Variants in LRRTM4 observed in about 807,000 individuals in gnomAD.
The protein encoded by LRRTM4 is leucine rich repeat transmembrane neuronal 4.
LRRTM4 carries 25 observed loss-of-function variants against 47.6 expected under a neutral mutation model. The ratio of observed to expected loss-of-function variants is 0.53; its 90% CI spans 0.38 to 0.73. LRRTM4 has a LOEUF of 0.73. LRRTM4 is among the 30% of genes least tolerant of loss of function. LRRTM4 has a pLI of 0.00. For synonymous variants in LRRTM4, 311 were observed against 269.5 expected (o/e 1.15, Z -1.51); for missense variants, 638 against 713.4 (o/e 0.89, Z 1.20).
intron 3 of LRRTM4, among the ~76,000 whole-genome samples, chr2:76,879,687 A>G (rs562892427): frequency 6.6e-6 from 1 of 152,338 alleles, no homozygotes; most frequent in East Asian, 1.9e-4. Flanking sequence ...TAAGAAATAT[A>G]TTTTGTAAGC....
chr2:77,220,750 G>A (rs1464099843), intron 3 of LRRTM4, among the ~76,000 whole-genome samples: 3 of 152,180 alleles, frequency 2.0e-5, no homozygotes, highest in African/African-American at 7.2e-5. Flanking sequence ...GAAAGTGATG[G>A]GGAGAATGGA....
At chr2:77,335,046 AT>A (rs1320179662) in intron 3 of LRRTM4, among the ~76,000 whole-genome samples, 1 of 151,982 alleles carries the variant, frequency 6.6e-6, no homozygotes, top group Non-Finnish European at 1.5e-5. Context: ...TTCCTTTCTC[AT>A]TTTAATGCCT....
intron 3 of LRRTM4, among the ~76,000 whole-genome samples, chr2:77,223,566 C>G (rs1674710010): frequency 6.6e-6 from 1 of 152,210 alleles, no homozygotes; most frequent in African/African-American, 2.4e-5. Context: ...ACAACAATAA[C>G]AGACAAACAG....
intron 3 of LRRTM4, among the ~76,000 whole-genome samples, chr2:77,041,683 G>T (rs62170902): frequency 0.12 from 18,225 of 150,714 alleles, 1,382 homozygotes; most frequent in Admixed American, 0.19. Context: ...ACATCTGTTG[G>T]CCCTTTCTAT....
At chr2:77,029,056 TATATATATATATATA>T (rs1678555764) in intron 3 of LRRTM4, among the ~76,000 whole-genome samples, 1 of 126,256 alleles carries the variant, frequency 7.9e-6, no homozygotes, top group African/African-American at 2.7e-5. Flanking sequence ...CACACAAATA[TATATATATATATATA>T]ATATATATAT....
At chr2:77,010,337 A>T (rs1054541293) in intron 3 of LRRTM4, among the ~76,000 whole-genome samples, 23 of 130,552 alleles carry the variant, frequency 1.8e-4, no homozygotes, top group Non-Finnish European at 3.6e-4. Flanking sequence ...TTCTGTTTCT[A>T]TGAGTTTGAT....
At chr2:76,926,584 G>A (rs990079048) in intron 3 of LRRTM4, among the ~76,000 whole-genome samples, 4 of 152,120 alleles carry the variant, frequency 2.6e-5, no homozygotes, top group African/African-American at 9.7e-5. Context: ...ATTAGGCCAG[G>A]AGGGCTCTGT....
intron 3 of LRRTM4, among the ~76,000 whole-genome samples, chr2:77,335,020 CT>C (rs1380797515): frequency 7.2e-5 from 11 of 152,138 alleles, no homozygotes; most frequent in African/African-American, 2.7e-4. Flanking sequence ...ATAGTTCCTT[CT>C]TTAGCTTTTT....
At chr2:77,411,403 TTATTTCTC>T (rs1379021722) in intron 3 of LRRTM4, among the ~76,000 whole-genome samples, 2 of 150,898 alleles carry the variant, frequency 1.3e-5, no homozygotes, top group East Asian at 3.9e-4. Context: ...TCTTTCTTCT[TTATTTCTC>T]TCTTTCTTGT....
rs147209998 is a variant in LRRTM4 at position 77,204,321 on chromosome 2, G to A, written c.1551+313997C>T. 2.6e-4 allele frequency among the ~76,000 whole-genome samples: 39 copies of A among 152,034 alleles called. No individual in the cohort carries two copies. In the East Asian group the frequency reaches 6.6e-3, roughly 26 times the overall value. ...AAATTTCTTGACTAAATCATGTAAC[G>A]TTTTTAAAGGTAACTCTTCACTGAA... On this transcript the variant is annotated intron_variant, in intron 3 of 3. Coordinates refer to ENST00000409884, the MANE Select transcript of LRRTM4 (RefSeq NM_001134745.3).
At chr2:77,509,819 T>C (rs958442984) in intron 3 of LRRTM4, among the ~76,000 whole-genome samples, 1 of 152,142 alleles carries the variant, frequency 6.6e-6, no homozygotes, top group African/African-American at 2.4e-5. Flanking sequence ...CAGATATATA[T>C]TTACTTGTCC....
chr2:77,038,472 C>T (rs976044001), intron 3 of LRRTM4, among the ~76,000 whole-genome samples: 1 of 151,458 alleles, frequency 6.6e-6, no homozygotes, highest in African/African-American at 2.4e-5. Context: ...TTATAAAGTA[C>T]TGTTCAGAGT....
intron 3 of LRRTM4, among the ~76,000 whole-genome samples, chr2:77,026,969 C>G (rs1250869821): frequency 1.3e-5 from 2 of 152,082 alleles, no homozygotes; most frequent in Non-Finnish European, 2.9e-5. Flanking sequence ...GAAAATCACC[C>G]TTTCCCATTA....
chr2:77,260,494 A>C (rs950631672), intron 3 of LRRTM4, among the ~76,000 whole-genome samples: 5 of 151,876 alleles, frequency 3.3e-5, no homozygotes, highest in African/African-American at 1.2e-4. Flanking sequence ...ATATTTAGAT[A>C]CCAAACCACT....
intron 3 of LRRTM4, among the ~76,000 whole-genome samples, chr2:76,902,516 T>C (rs1403719325): frequency 6.6e-6 from 1 of 152,194 alleles, no homozygotes; most frequent in African/African-American, 2.4e-5. Context: ...TTTGATGACC[T>C]TGATGATGGA....
At chr2:76,769,053 T>G (rs1673576133) in intron 3 of LRRTM4, among the ~76,000 whole-genome samples, 2 of 152,136 alleles carry the variant, frequency 1.3e-5, no homozygotes, top group Non-Finnish European at 2.9e-5. Context: ...TGACTCAACT[T>G]TCTTTGAGGG....
At chr2:77,043,996 C>T (rs1031255038) in intron 3 of LRRTM4, among the ~76,000 whole-genome samples, 1 of 151,532 alleles carries the variant, frequency 6.6e-6, no homozygotes, top group African/African-American at 2.4e-5. Flanking sequence ...TGCAATGCTC[C>T]CATATGGAGG....
intron 3 of LRRTM4, among the ~76,000 whole-genome samples, chr2:76,933,793 A>T (rs1674852327): frequency 6.6e-6 from 1 of 152,106 alleles, no homozygotes; most frequent in Non-Finnish European, 1.5e-5. Flanking sequence ...TCAATGAATT[A>T]TCCTTGCTGG....
chr2:77,170,464 C>T (rs1673014339), intron 3 of LRRTM4, among the ~76,000 whole-genome samples: 1 of 152,136 alleles, frequency 6.6e-6, no homozygotes, highest in Non-Finnish European at 1.5e-5. Context: ...GAAAGTAACA[C>T]AATGCTGGTG....
Sources: allele counts gnomAD v4.1 joint callset (sites outside exome capture counted in the v4.1 genomes callset), GRCh38; gene constraint gnomAD v4.1.1; transcripts MANE v1.5; gene names NCBI Gene and HGNC (gene_info 2026-07-23, HGNC 2026-07-21).